The following MYO3B variants were observed in gnomAD, a reference collection of about 807,000 sequenced individuals.
The protein encoded by MYO3B is myosin-IIIb.
Under a neutral mutation model 174.6 loss-of-function variants are expected in MYO3B, and 156 were observed. The observed-to-expected ratio is 0.89, with a 90% confidence interval of 0.78 to 1.02. The LOEUF is 1.02. Ranked by LOEUF, MYO3B falls within the 50% of genes least tolerant of loss-of-function variation. The pLI is 0.00. For missense variants in MYO3B, 1,632 were observed against 1,639.4 expected, an observed-to-expected ratio of 1.00 and a Z score of 0.08; for synonymous variants, 563 against 569.1, an observed-to-expected ratio of 0.99 and a Z score of 0.15.
chr2:170,575,339 T>C (rs1692721968), intron 32 of MYO3B, among the ~76,000 whole-genome samples: 1 of 152,092 alleles, frequency 6.6e-6, no homozygotes, highest in Non-Finnish European at 1.5e-5. Flanking sequence ...CTATCAGGGG[T>C]CAGCAAATAT....
At chr2:170,619,958 G>C (rs1241416065) in intron 32 of MYO3B, among the ~76,000 whole-genome samples, 1 of 151,420 alleles carries the variant, frequency 6.6e-6, no homozygotes, top group Non-Finnish European at 1.5e-5. Context: ...TGTTGGCCAG[G>C]CTGGCTTGCT....
chr2:170,601,185 C>T (rs1256304025), intron 32 of MYO3B, among the ~76,000 whole-genome samples: 1 of 152,116 alleles, frequency 6.6e-6, no homozygotes, highest in Admixed American at 6.5e-5. Flanking sequence ...TACTTCGAAG[C>T]ATTCAGAATG....
chr2:170,215,502 G>A (rs1404784585), intron 5 of MYO3B, among the ~76,000 whole-genome samples: 1 of 151,934 alleles, frequency 6.6e-6, no homozygotes, highest in African/African-American at 2.4e-5. Flanking sequence ...TTCAGCAATA[G>A]TACTTCAGAG....
chr2:170,403,978 A>G (rs2094494866), intron 19 of MYO3B, among the ~76,000 whole-genome samples: 2 of 152,030 alleles, frequency 1.3e-5, no homozygotes, highest in African/African-American at 2.4e-5. Context: ...TTCCTTGTAC[A>G]TTAGTTTCTA....
At chr2:170,429,613 G>T (rs1221445580) in intron 22 of MYO3B, among the ~76,000 whole-genome samples, 3 of 152,172 alleles carry the variant, frequency 2.0e-5, no homozygotes, top group Non-Finnish European at 2.9e-5. Context: ...AAAATAAGAA[G>T]CCTCCTAGAA....
chr2:170,333,329 A>G (rs2093924998), intron 7 of MYO3B, among the ~76,000 whole-genome samples: 1 of 152,168 alleles, frequency 6.6e-6, no homozygotes, highest in Non-Finnish European at 1.5e-5. Flanking sequence ...GGGAAAGATG[A>G]AGGCATATGT....
intron 25 of MYO3B, among the ~76,000 whole-genome samples, chr2:170,474,715 C>A (rs1400160752): frequency 3.8e-5 from 5 of 130,862 alleles, no homozygotes; most frequent in East Asian, 4.8e-4. Flanking sequence ...TGCACTCCAG[C>A]CTGGGTGACA....
At chr2:170,272,199 C>T (rs2093430330) in intron 7 of MYO3B, among the ~76,000 whole-genome samples, 1 of 151,934 alleles carries the variant, frequency 6.6e-6, no homozygotes, top group Non-Finnish European at 1.5e-5. Flanking sequence ...TGCAAATTCA[C>T]AGGCCCTAGC....
intron 8 of MYO3B, among the ~76,000 whole-genome samples, chr2:170,335,665 T>G (rs1421215983): frequency 6.6e-6 from 1 of 152,254 alleles, no homozygotes; most frequent in Non-Finnish European, 1.5e-5. Context: ...AAGTCCTTCT[T>G]ATCATATGGG....
At chr2:170,192,855 A>G (rs192765113) in intron 1 of MYO3B, among the ~76,000 whole-genome samples, 8 of 151,692 alleles carry the variant, frequency 5.3e-5, no homozygotes, top group Admixed American at 2.6e-4. Flanking sequence ...TCTTTCTATT[A>G]TTAATATTTA....
At chr2:170,314,841 T>C (rs1264474476) in intron 7 of MYO3B, among the ~76,000 whole-genome samples, 2 of 152,174 alleles carry the variant, frequency 1.3e-5, no homozygotes, top group Admixed American at 6.5e-5. Flanking sequence ...TTAGAATACA[T>C]AGAAGACTAC....
chr2:170,640,273 G>A (rs1463212651), intron 32 of MYO3B: 1 of 152,214 alleles, frequency 6.6e-6, no homozygotes, highest in East Asian at 1.9e-4. Flanking sequence ...TATGCATCCA[G>A]GGTGGAGAAC....
intron 7 of MYO3B, among the ~76,000 whole-genome samples, chr2:170,309,719 C>G (rs961040603): frequency 1.3e-5 from 2 of 149,960 alleles, no homozygotes; most frequent in Admixed American, 6.6e-5. Flanking sequence ...CTGTAGACAT[C>G]TTTTTTTTTT....
intron 32 of MYO3B, among the ~76,000 whole-genome samples, chr2:170,610,513 AAAC>A (rs1695071943): frequency 6.6e-6 from 1 of 152,174 alleles, no homozygotes; most frequent in Non-Finnish European, 1.5e-5. Flanking sequence ...ATCAAGTTCT[AAAC>A]AAAAACTCAC....
chr2:170,520,428 A>T (rs1688600852), intron 30 of MYO3B, among the ~76,000 whole-genome samples: 1 of 151,428 alleles, frequency 6.6e-6, no homozygotes, highest in South Asian at 2.1e-4. Context: ...TCTCCATATT[A>T]AAATATGTAT....
intron 25 of MYO3B, among the ~76,000 whole-genome samples, chr2:170,480,631 G>A (rs1488546880): frequency 6.6e-6 from 1 of 152,184 alleles, no homozygotes. Flanking sequence ...CTGGCATTGC[G>A]GGGTGGGGAG....
At chr2:170,314,096 T>C (rs1382449752) in intron 7 of MYO3B, among the ~76,000 whole-genome samples, 1 of 152,180 alleles carries the variant, frequency 6.6e-6, no homozygotes, top group East Asian at 1.9e-4. Context: ...AAAAGTAACA[T>C]CCTGCTGGCC....
chr2:170,635,214 A>G (rs554741914), intron 32 of MYO3B, among the ~76,000 whole-genome samples: 16 of 152,360 alleles, frequency 1.1e-4, no homozygotes, highest in Admixed American at 9.1e-4. Context: ...AACCAATCCA[A>G]ATGTCCAACA....
At chr2:170,372,318 A>G (rs2094255266) in intron 9 of MYO3B, among the ~76,000 whole-genome samples, 1 of 152,142 alleles carries the variant, frequency 6.6e-6, no homozygotes. Flanking sequence ...TGCAACCTCC[A>G]TAAATGTTAG....
Sources: gnomAD v4.1 joint callset for allele counts (sites outside exome capture counted in the v4.1 genomes callset) on GRCh38, gnomAD v4.1.1 for gene constraint, MANE v1.5 for transcripts, NCBI Gene and HGNC (gene_info 2026-07-23, HGNC 2026-07-21) for gene names.